Variants in SPPL3 observed in about 807,000 individuals in gnomAD.
SPPL3 encodes signal peptide peptidase like 3.
Under a neutral mutation model 42.4 loss-of-function variants are expected in SPPL3, and 5 were observed. The observed-to-expected ratio is 0.12, with a 90% CI of 0.06 to 0.25. The LOEUF (loss-of-function observed/expected upper bound fraction) is 0.25, where lower values mean the gene tolerates loss of function less well. Ranked by LOEUF, SPPL3 falls within the 10% of genes least tolerant of loss-of-function variation. The pLI, the probability that SPPL3 is intolerant of heterozygous loss-of-function variation, is 1.00. For synonymous variants in SPPL3, 195 were observed against 181.8 expected, an observed-to-expected ratio of 1.07 and a Z score of -0.58; for missense variants, 235 against 489.0, an observed-to-expected ratio of 0.48 and a Z score of 4.90.
rs1053195241 is a variant in SPPL3, at chr12:120,808,561, C to T, written c.101+2248G>A. The stretch of plus-strand genomic sequence containing the variant: ...TTTCATACTCTCTGTCGAAGTATTT[C>T]CACTTCTGGATATTTATCTTGGTGA... On this transcript the variant is annotated intron_variant, in intron 2 of 10. Coordinates refer to ENST00000353487, the MANE Select transcript of SPPL3 (RefSeq NM_139015.5). 8.5e-5 allele frequency among the ~76,000 whole-genome samples: 13 copies of T among 152,274 alleles called. No individual in the cohort carries two copies. In the East Asian group the frequency reaches 2.1e-3, roughly 25 times the overall value.
At chr12:120,884,192 A>T (rs1013975118) in intron 1 of SPPL3, among the ~76,000 whole-genome samples, 5 of 152,158 alleles carry the variant, frequency 3.3e-5, no homozygotes, top group Non-Finnish European at 5.9e-5. Flanking sequence ...GGTTACACCT[A>T]AACGGGGACA....
At chr12:120,835,142 C>T (rs1030148716) in intron 1 of SPPL3, among the ~76,000 whole-genome samples, 3 of 152,170 alleles carry the variant, frequency 2.0e-5, no homozygotes, top group Non-Finnish European at 4.4e-5. Context: ...TTCCAACTTC[C>T]TTTTAATGAT....
Position 120,783,686 on chromosome 12 carries a change from G to A in SPPL3, c.377C>T (p.Ser126Leu). The change falls in exon 5 of 11, where the codon TCA becomes TTA. Residue 126 changes from serine (S) to leucine (L), a missense_variant. This residue lies in a region of SPPL3 where 110 missense variants were observed against 186.2 expected (regional missense o/e 0.59). Transcript: ENST00000353487. The part of the protein sequence containing the change: ...PMCQYLTRPC[S>L]PQNKISFGCC... ...CCCAAGTCCTTACTTGTTCTGAGGT[G>A]AGCAGGGTCTTGTTAAATACTGGCA... The A allele has an allele frequency of 6.2e-7, 1 of 1,613,348 alleles. No homozygotes were observed. The highest frequency in any genetic ancestry group is 8.5e-7 in the Non-Finnish European group (1 of 1,179,532).
chr12:120,888,857 G>T (rs73217021), intron 1 of SPPL3, among the ~76,000 whole-genome samples: 2 of 151,920 alleles, frequency 1.3e-5, no homozygotes, highest in Non-Finnish European at 2.9e-5. Flanking sequence ...CACCCAGGGC[G>T]GAGTACAATG....
chr12:120,789,364 G>T (rs1354751881), intron 3 of SPPL3, among the ~76,000 whole-genome samples: 1 of 145,242 alleles, frequency 6.9e-6, no homozygotes, highest in Non-Finnish European at 1.5e-5. Context: ...AGAGGCAGGA[G>T]AATCACTTGA....
intron 6 of SPPL3, among the ~76,000 whole-genome samples, chr12:120,774,598 C>T (rs530009938): frequency 6.6e-6 from 1 of 152,202 alleles, no homozygotes; most frequent in East Asian, 1.9e-4. Flanking sequence ...CAGAAGGCAT[C>T]CTTTTGACTG....
intron 1 of SPPL3, among the ~76,000 whole-genome samples, chr12:120,895,159 G>A (rs1873762410): frequency 6.6e-6 from 1 of 152,132 alleles, no homozygotes. Flanking sequence ...CGGGCATGGT[G>A]GCTCACGCCT....
At chr12:120,856,777 G>A (rs966911294) in intron 1 of SPPL3, among the ~76,000 whole-genome samples, 2 of 152,094 alleles carry the variant, frequency 1.3e-5, no homozygotes, top group African/African-American at 4.8e-5. Flanking sequence ...AAAGACTGGT[G>A]TGCAATTGCC....
intron 1 of SPPL3, among the ~76,000 whole-genome samples, chr12:120,816,032 G>T (rs1304828598): frequency 2.6e-5 from 4 of 152,038 alleles, no homozygotes; most frequent in Non-Finnish European, 5.9e-5. Context: ...ACCTGGCCTG[G>T]ATTAAATTTT....
Position 120,834,052 on chromosome 12 carries a change from T to C in SPPL3, c.24-23166A>G, listed in dbSNP as rs1211183337. Among the ~76,000 whole-genome samples the C allele has an allele frequency of 2.6e-5, 4 of 152,164 alleles. 1 individual carries two copies. ...AAGCAACCTTGTGAGAGAAATATTA[T>C]GATGTCCTGAAATTATAGTATTTGG... On this transcript the variant is annotated intron_variant, in intron 1 of 10. Transcript: ENST00000353487.
At chr12:120,838,436 C>G (rs956110424) in intron 1 of SPPL3, among the ~76,000 whole-genome samples, 12 of 152,192 alleles carry the variant, frequency 7.9e-5, no homozygotes. Context: ...ACAGCCAAGG[C>G]AGATCAATCA....
At chr12:120,765,287 ATAT>A (rs770438310) in intron 10 of SPPL3, among the ~76,000 whole-genome samples, 1 of 119,774 alleles carries the variant, frequency 8.3e-6, no homozygotes, top group Non-Finnish European at 1.5e-5. Flanking sequence ...CCCCTTTCTG[ATAT>A]TTTTTTTTTT....
intron 1 of SPPL3, among the ~76,000 whole-genome samples, chr12:120,822,483 G>A (rs1259296511): frequency 6.6e-6 from 1 of 152,154 alleles, no homozygotes; most frequent in Non-Finnish European, 1.5e-5. Context: ...AATTTCCAGT[G>A]ACTTTTAAAA....
intron 2 of SPPL3, among the ~76,000 whole-genome samples, chr12:120,804,227 T>C (rs899457032): frequency 6.6e-6 from 1 of 152,146 alleles, no homozygotes; most frequent in African/African-American, 2.4e-5. Flanking sequence ...TAAATAGCCT[T>C]TTTTGGACAA....
At chr12:120,890,465 T>C (rs936754259) in intron 1 of SPPL3, among the ~76,000 whole-genome samples, 2 of 150,772 alleles carry the variant, frequency 1.3e-5, no homozygotes, top group Non-Finnish European at 2.9e-5. Flanking sequence ...GGCAGGCGCC[T>C]ATAGTCCCAG....
At chr12:120,768,806 C>T in intron 7 of SPPL3, 147 bp downstream of exon 7, 1 of 696,778 alleles carries the variant, frequency 1.4e-6, no homozygotes, top group South Asian at 1.9e-5. Flanking sequence ...TCGGACTGCA[C>T]ACCCATGATA....
At chr12:120,784,314 T>C in intron 4 of SPPL3, 160 bp downstream of exon 4, 1 of 592,984 alleles carries the variant, frequency 1.7e-6, no homozygotes, top group Non-Finnish European at 2.8e-6. Flanking sequence ...CAAGGAGGAG[T>C]TGGGGAAGGG....
intron 1 of SPPL3, among the ~76,000 whole-genome samples, chr12:120,871,978 C>G (rs1057369719): frequency 6.6e-6 from 1 of 152,144 alleles, no homozygotes; most frequent in Admixed American, 6.5e-5. Flanking sequence ...GGTTCAACAT[C>G]CCTAATTTAA....
At chr12:120,893,973 T>C (rs1442967700) in intron 1 of SPPL3, among the ~76,000 whole-genome samples, 2 of 152,218 alleles carry the variant, frequency 1.3e-5, no homozygotes, top group African/African-American at 4.8e-5. Context: ...AAGGTATTTG[T>C]TTTTCACAAC....
Sources: allele counts gnomAD v4.1 joint callset (sites outside exome capture counted in the v4.1 genomes callset), GRCh38; gene constraint gnomAD v4.1.1; regional missense constraint gnomAD v4.1.1; transcripts MANE v1.5; gene names NCBI Gene and HGNC (gene_info 2026-07-23, HGNC 2026-07-21).